Variants in PCDHGB7 observed in about 807,000 individuals in gnomAD.
PCDHGB7 encodes protocadherin gamma-B7.
Under a neutral mutation model 61.4 loss-of-function variants are expected in PCDHGB7, and 37 were observed. The ratio of observed to expected loss-of-function variants is 0.60; its 90% CI spans 0.46 to 0.79. The LOEUF (loss-of-function observed/expected upper bound fraction) is 0.79. Ranked by LOEUF, PCDHGB7 falls within the 30% of genes least tolerant of loss-of-function variation. The pLI, the probability that PCDHGB7 is intolerant of heterozygous loss-of-function variation, is 0.00. For synonymous variants in PCDHGB7, 464 were observed against 503.5 expected, an observed-to-expected ratio of 0.92 and a Z score of 1.05; for missense variants, 1,166 against 1,202.5, an observed-to-expected ratio of 0.97 and a Z score of 0.45.
chr5:141,483,472 T>C (rs1457039859), intron 1 of PCDHGB7, among the ~76,000 whole-genome samples: 2 of 152,076 alleles, frequency 1.3e-5, no homozygotes, highest in Non-Finnish European at 2.9e-5. Flanking sequence ...TGACATGATA[T>C]AGGAAGTGAG....
At chr5:141,478,345 C>T (rs755421316) in intron 1 of PCDHGB7, 3 of 1,613,850 alleles carry the variant, frequency 1.9e-6, no homozygotes, top group East Asian at 4.5e-5. Context: ...CCTCCTTGCA[C>T]GCGGACGCCG....
Position 141,489,772 on chromosome 5 carries a change from T to C in PCDHGB7, c.2416-5035T>C, listed in dbSNP as rs1327700197. 6.2e-7 allele frequency: 1 copy of C among 1,614,154 alleles called. No individual in the cohort carries two copies. The highest frequency in any genetic ancestry group is 8.5e-7 in the Non-Finnish European group (1 of 1,179,994). ...TTACACTCTAAGCCCCAACAGCCAC[T>C]TCTCTCTGAATGTGAAGACCCTAAA... On this transcript the variant is annotated intron_variant, in intron 1 of 3. Coordinates refer to ENST00000398594, the MANE Select transcript of PCDHGB7 (RefSeq NM_018927.4). This position sits in a 1 kb window ranked among gnomAD's most constrained non-coding sequence, Gnocchi z 4.5.
intron 1 of PCDHGB7, among the ~76,000 whole-genome samples, chr5:141,483,689 G>A (rs1234666254): frequency 6.6e-6 from 1 of 152,022 alleles, no homozygotes; most frequent in Non-Finnish European, 1.5e-5. Flanking sequence ...CAGAAAGCCA[G>A]ATTCCTCTTT....
chr5:141,419,377 C>T lies in PCDHGB7; in HGVS notation c.1518C>T (p.Ser506=). ...LESRTLSSYV[S]VSAQSGVVFA... ...CACGAACGCTGTCGTCCTACGTGTC[C>T]GTGAGCGCGCAGAGCGGGGTGGTGT... The change falls in exon 1 of 4, where the codon TCC becomes TCT. Residue 506 remains serine, a synonymous_variant. Coordinates refer to ENST00000398594, the MANE Select transcript of PCDHGB7 (RefSeq NM_018927.4). The T allele has an allele frequency of 6.2e-6, 10 of 1,613,690 alleles. No individual in the cohort carries two copies. Among genetic ancestry groups the T allele is most frequent in the Admixed American group, 3.3e-5 (2 of 60,032 alleles).
In PCDHGB7 at chr5:141,430,181, T is replaced by A. The variant is rs561671481; in HGVS notation, c.2415+9907T>A. ...TCTATTTAAAAATATTTTCCCCAAA[T>A]TATAGCTGAATCAGAAAGTTTAAAT... On this transcript the variant is annotated intron_variant, in intron 1 of 3. Transcript: ENST00000398594. 2.0e-5 allele frequency among the ~76,000 whole-genome samples: 3 copies of A among 152,252 alleles called. No homozygotes were observed. The South Asian group carries it at 6.2e-4, about 32-fold the overall frequency.
rs764742899 is a variant in PCDHGB7, at chr5:141,487,062, C to T, written c.2416-7745C>T. On this transcript the variant is annotated intron_variant, in intron 1 of 3. Transcript: ENST00000398594. This position sits in a 1 kb window ranked among gnomAD's most constrained non-coding sequence, Gnocchi z 5.0. Reference sequence around the variant, plus strand: ...TCTCGATATGCTGGGGAGGTGCGGACGGCTGTTCCTATCCCAGCTGACCTC... The same window carrying T: ...TCTCGATATGCTGGGGAGGTGCGGATGGCTGTTCCTATCCCAGCTGACCTC... 2.8e-5 allele frequency: 45 copies of T among 1,613,980 alleles called. No homozygotes were observed. Among genetic ancestry groups the T allele is most frequent in the East Asian group, 1.3e-4 (6 of 44,874 alleles).
intron 1 of PCDHGB7, among the ~76,000 whole-genome samples, chr5:141,435,017 C>T (rs1477938779): frequency 1.3e-5 from 2 of 151,994 alleles, no homozygotes; most frequent in Middle Eastern, 3.2e-3. Flanking sequence ...AATGATAATG[C>T]TCTTTTCCCA....
intron 1 of PCDHGB7, among the ~76,000 whole-genome samples, chr5:141,430,066 G>A (rs550834063): frequency 4.1e-4 from 62 of 152,102 alleles, no homozygotes; most frequent in Non-Finnish European, 8.4e-4. Flanking sequence ...TCATTTTTAG[G>A]TTTCCATAAT....
Position 141,418,036 on chromosome 5 carries a change from G to C in PCDHGB7, c.177G>C (p.Leu59=), listed in dbSNP as rs933500300. ...CTAAGGATCTAGGGCTTAGTGTCCT[G>C]GATGTGTCGGCTCGCGAGCTGCGAG... ...NLAKDLGLSV[L]DVSARELRVS... Residue 59 remains leucine (L), a synonymous_variant, in exon 1 of 4, where the codon CTG becomes CTC. Coordinates refer to ENST00000398594, the MANE Select transcript of PCDHGB7 (RefSeq NM_018927.4). 3.7e-6 allele frequency: 6 copies of C among 1,613,902 alleles called. No individual in the cohort carries two copies. The African/African-American group carries it at 8.0e-5, about 22-fold the overall frequency.
In PCDHGB7 at chr5:141,420,205, C is replaced by T. The variant is rs776838072; in HGVS notation, c.2346C>T (p.Asn782=). The part of the protein sequence containing the change: ...DHCPATQDNL[N]KDSMLLASIL... Reference sequence around the variant, plus strand: ...GTCCAGCCACACAAGATAACCTCAACAAAGATAGCATGCTACTGGCTAGCA... The same window carrying T: ...GTCCAGCCACACAAGATAACCTCAATAAAGATAGCATGCTACTGGCTAGCA... The change falls in exon 1 of 4, where the codon AAC becomes AAT. Residue 782 remains asparagine, a synonymous_variant. Transcript: ENST00000398594. 8.7e-6 allele frequency: 14 copies of T among 1,612,942 alleles called. No homozygotes were observed. Among genetic ancestry groups the T allele is most frequent in the African/African-American group, 1.3e-5 (1 of 75,030 alleles).
intron 1 of PCDHGB7, among the ~76,000 whole-genome samples, chr5:141,455,428 GA>G (rs2098822635): frequency 6.6e-6 from 1 of 152,176 alleles, no homozygotes; most frequent in Non-Finnish European, 1.5e-5. Context: ...GGCTCCAAAA[GA>G]GGAGGTCCCC....
intron 1 of PCDHGB7, among the ~76,000 whole-genome samples, chr5:141,481,655 T>A (rs933683728): frequency 1.3e-5 from 2 of 152,054 alleles, no homozygotes; most frequent in African/African-American, 4.8e-5. Flanking sequence ...TCATCTCTAC[T>A]AATAATACAA....
At chr5:141,450,888 G>C (rs1038570371) in intron 1 of PCDHGB7, among the ~76,000 whole-genome samples, 27 of 145,380 alleles carry the variant, frequency 1.9e-4, no homozygotes, top group Non-Finnish European at 3.9e-4. Flanking sequence ...GCAGTGGTGC[G>C]ATATCGGCTC....
chr5:141,442,298 G>A (rs934210433), intron 1 of PCDHGB7: 2 of 152,564 alleles, frequency 1.3e-5, no homozygotes, highest in African/African-American at 4.8e-5. Flanking sequence ...TCCTGTCTGA[G>A]TCTTTCCCAC....
intron 1 of PCDHGB7, among the ~76,000 whole-genome samples, chr5:141,456,969 A>G (rs2098901241): frequency 1.4e-5 from 2 of 147,268 alleles, no homozygotes; most frequent in Non-Finnish European, 3.1e-5. Flanking sequence ...TCTCAAAACA[A>G]AACAAACAAA....
Position 141,487,289 on chromosome 5 carries a change from G to A in PCDHGB7, c.2416-7518G>A. The A allele has an allele frequency of 1.2e-6, 2 of 1,614,096 alleles. No individual in the cohort carries two copies. The highest frequency in any genetic ancestry group is 1.7e-6 in the Non-Finnish European group (2 of 1,180,024). On this transcript the variant is annotated intron_variant, in intron 1 of 3. Coordinates refer to ENST00000398594, the MANE Select transcript of PCDHGB7 (RefSeq NM_018927.4). The surrounding 1 kb of genome is among the most constrained non-coding windows in gnomAD (Gnocchi z 5.0). ...AGTGGCAATTTGCTTTGTCTCCTTTGGCTCATTCGTGGCACTACTCTCTAA... is the reference window on the plus strand; with the variant it reads ...AGTGGCAATTTGCTTTGTCTCCTTTAGCTCATTCGTGGCACTACTCTCTAA...
intron 1 of PCDHGB7, among the ~76,000 whole-genome samples, chr5:141,446,065 G>T (rs1285093512): frequency 2.0e-5 from 3 of 152,306 alleles, no homozygotes; most frequent in African/African-American, 7.2e-5. Flanking sequence ...GATTAAAGGG[G>T]AGGCAGTGGA....
rs1457765340 is a variant in PCDHGB7 at position 141,491,122 on chromosome 5, G to GT, written c.2416-3684dup. 1 of 1,614,058 alleles carries GT rather than the reference G, an allele frequency of 6.2e-7. No homozygotes were observed. Among genetic ancestry groups the GT allele is most frequent in the Non-Finnish European group, 8.5e-7 (1 of 1,180,036 alleles). Reference sequence around the variant, plus strand: ...CCTCGTGTCTACACACACTGGTGAGGTGCGCACAGCCCGGGCCTTACTGGA... The same window carrying GT: ...CCTCGTGTCTACACACACTGGTGAGGTTGCGCACAGCCCGGGCCTTACTGGA... On this transcript the variant is annotated intron_variant, in intron 1 of 3. Coordinates refer to ENST00000398594, the MANE Select transcript of PCDHGB7 (RefSeq NM_018927.4). The surrounding 1 kb of genome is among the most constrained non-coding windows in gnomAD (Gnocchi z 6.9).
At chr5:141,498,530 A>G (rs1275299749) in intron 2 of PCDHGB7, among the ~76,000 whole-genome samples, 1 of 149,364 alleles carries the variant, frequency 6.7e-6, no homozygotes, top group Non-Finnish European at 1.5e-5. Flanking sequence ...ACTGCCCTCC[A>G]GCCTGGTCTG....
Sources: allele counts gnomAD v4.1 joint callset (sites outside exome capture counted in the v4.1 genomes callset), GRCh38; gene constraint gnomAD v4.1.1; non-coding constraint Gnocchi (gnomAD v3.1); transcripts MANE v1.5; gene names NCBI Gene and HGNC (gene_info 2026-07-23, HGNC 2026-07-21).